CHSY1: variants seen among roughly 807,000 people sequenced by gnomAD.
CHSY1 encodes the protein N-acetylgalactosaminyl-proteoglycan 3-beta-glucuronosyltransferase 1.
In CHSY1, 13 loss-of-function variants were observed where a neutral mutation model predicts 59.8. That is an observed-to-expected ratio of 0.22 (90% CI 0.14 to 0.35). The LOEUF (loss-of-function observed/expected upper bound fraction) is 0.35. Among genes scored for constraint, CHSY1 ranks in the 10% least tolerant of loss-of-function variants. CHSY1 has a pLI of 1.00. For missense variants in CHSY1, 947 were observed against 1,030.6 expected (o/e 0.92, Z 1.11); for synonymous variants, 459 against 401.2 (o/e 1.14, Z -1.72).
In CHSY1 at chr15:101,235,580, G is replaced by T; in HGVS notation, c.321-3C>A. 6.2e-7 allele frequency: 1 copy of T among 1,606,484 alleles called. No homozygotes were observed. The highest frequency in any genetic ancestry group is 8.5e-7 in the Non-Finnish European group (1 of 1,179,852). ...CAGGAATTGTCTTGGACCATGTTCT[G>T]GAATTAAAATAAATATCAGTTAGAG... On this transcript the variant is annotated splice_region_variant and splice_polypyrimidine_tract_variant and intron_variant, in intron 1 of 2. Coordinates refer to ENST00000254190, the MANE Select transcript of CHSY1 (RefSeq NM_014918.5).
chr15:101,225,604 AC>A (rs1218203954), intron 2 of CHSY1, among the ~76,000 whole-genome samples: 4 of 150,500 alleles, frequency 2.7e-5, no homozygotes, highest in African/African-American at 7.4e-5. Flanking sequence ...CATGTGTACC[AC>A]CCCCCTCCCC....
At chr15:101,224,528 AG>A (rs2038820636) in intron 2 of CHSY1, among the ~76,000 whole-genome samples, 1 of 152,234 alleles carries the variant, frequency 6.6e-6, no homozygotes, top group East Asian at 1.9e-4. Context: ...CTTAAACACT[AG>A]CAAGTGTAAG....
At chr15:101,210,743 C>G (rs565423348) in intron 2 of CHSY1, among the ~76,000 whole-genome samples, 1 of 152,284 alleles carries the variant, frequency 6.6e-6, no homozygotes, top group Admixed American at 6.5e-5. Context: ...TATATCCTCA[C>G]TGGAGGACAG....
At chr15:101,212,211 T>C (rs575463141) in intron 2 of CHSY1, among the ~76,000 whole-genome samples, 5 of 152,302 alleles carry the variant, frequency 3.3e-5, no homozygotes, top group Admixed American at 6.5e-5. Context: ...TACGGTGCTG[T>C]TGGGAGTTAA....
At chr15:101,183,305 T>C (rs1050205643) in intron 2 of CHSY1, among the ~76,000 whole-genome samples, 3 of 152,112 alleles carry the variant, frequency 2.0e-5, no homozygotes, top group African/African-American at 7.2e-5. Context: ...AGTATAAAAG[T>C]ATCCAGTATA....
At chr15:101,179,886 C>T (rs2038252929) in intron 2 of CHSY1, among the ~76,000 whole-genome samples, 1 of 152,226 alleles carries the variant, frequency 6.6e-6, no homozygotes, top group East Asian at 1.9e-4. Flanking sequence ...TGCCTCAGTA[C>T]ATCTGGGCAA....
chr15:101,202,652 G>A (rs1016103611), intron 2 of CHSY1, among the ~76,000 whole-genome samples: 1 of 152,174 alleles, frequency 6.6e-6, no homozygotes, highest in African/African-American at 2.4e-5. Flanking sequence ...GAGGATGGAG[G>A]GCATTTCTGA....
intron 1 of CHSY1, among the ~76,000 whole-genome samples, chr15:101,247,710 T>C (rs1465849624): frequency 6.6e-6 from 1 of 152,140 alleles, no homozygotes; most frequent in African/African-American, 2.4e-5. Context: ...AAAATCTGTT[T>C]CTTGTCTGCT....
rs1234191789 is a variant in CHSY1 at position 101,178,166 on chromosome 15, A to C, written c.1631T>G (p.Phe544Cys). 1.2e-6 allele frequency: 2 copies of C among 1,614,206 alleles called. No homozygotes were observed. The highest frequency in any genetic ancestry group is 1.7e-6 in the Non-Finnish European group (2 of 1,180,030). ...TCCCATAAATCTCACAAACATGTCG[A>C]AACGCCCAGACAAAGGAATCAGTAT... Reference protein sequence around the residue: ...INILIPLSGRFDMFVRFMGNF... With the variant: ...INILIPLSGRCDMFVRFMGNF... Residue 544 changes from phenylalanine to cysteine, a missense_variant, in exon 3 of 3, where the codon TTC becomes TGC. This residue lies in a region of CHSY1 where 602 missense variants were observed against 676.9 expected (regional missense o/e 0.89). Coordinates refer to ENST00000254190, the MANE Select transcript of CHSY1 (RefSeq NM_014918.5).
intron 2 of CHSY1, among the ~76,000 whole-genome samples, chr15:101,185,938 CG>C (rs2038357039): frequency 1.3e-5 from 2 of 151,760 alleles, no homozygotes; most frequent in African/African-American, 4.8e-5. Flanking sequence ...TTATGGGCTA[CG>C]TCACTGCTCA....
At chr15:101,195,223 A>G (rs1205338192) in intron 2 of CHSY1, among the ~76,000 whole-genome samples, 1 of 152,250 alleles carries the variant, frequency 6.6e-6, no homozygotes, top group Non-Finnish European at 1.5e-5. Flanking sequence ...ATATTCACAT[A>G]TAAGATTACA....
At chr15:101,195,770 A>C (rs1408463439) in intron 2 of CHSY1, among the ~76,000 whole-genome samples, 1 of 148,472 alleles carries the variant, frequency 6.7e-6, no homozygotes, top group African/African-American at 2.5e-5. Flanking sequence ...GCTTGCAGTG[A>C]GCCGAGATAG....
intron 2 of CHSY1, among the ~76,000 whole-genome samples, chr15:101,223,438 T>G (rs2141268054): frequency 6.6e-6 from 1 of 152,380 alleles, no homozygotes; most frequent in Middle Eastern, 3.4e-3. Context: ...AAAAGATGCT[T>G]TAAAATATCT....
At position 101,235,550 on chromosome 15, in the gene CHSY1, T is replaced by C. The variant is rs2038932942; in HGVS notation, c.348A>G (p.Lys116=). ...AACCCTCACTTGAGAAGAACTGAACTTTCCCAGGAATTGTCTTGGACCATG... is the reference window on the plus strand; with the variant it reads ...AACCCTCACTTGAGAAGAACTGAACCTTCCCAGGAATTGTCTTGGACCATG... ...YRTWSKTIPG[K]VQFFSSEGSD... The change falls in exon 2 of 3, where the codon AAA becomes AAG. Residue 116 remains lysine, a synonymous_variant. Coordinates refer to ENST00000254190, the MANE Select transcript of CHSY1 (RefSeq NM_014918.5). 2 of 1,612,074 alleles carry C rather than the reference T, an allele frequency of 1.2e-6. No individual in the cohort carries two copies. The highest frequency in any genetic ancestry group is 1.7e-6 in the Non-Finnish European group (2 of 1,179,976).
chr15:101,246,169 G>A (rs910835947), intron 1 of CHSY1, among the ~76,000 whole-genome samples: 1 of 152,038 alleles, frequency 6.6e-6, no homozygotes, highest in African/African-American at 2.4e-5. Context: ...ATCTGTAATG[G>A]TGCCCTTGTT....
At chr15:101,187,000 T>G (rs2038378575) in intron 2 of CHSY1, among the ~76,000 whole-genome samples, 1 of 152,194 alleles carries the variant, frequency 6.6e-6, no homozygotes, top group African/African-American at 2.4e-5. Context: ...TGGCTGAAGC[T>G]GCAGCAATAT....
At chr15:101,204,327 G>C (rs141914720) in intron 2 of CHSY1, among the ~76,000 whole-genome samples, 2,292 of 151,594 alleles carry the variant, frequency 0.015, 61 homozygotes, top group African/African-American at 0.052. Flanking sequence ...CCAGCTACTC[G>C]GGAGGGTGAG....
intron 2 of CHSY1, among the ~76,000 whole-genome samples, chr15:101,224,870 T>C (rs1450283385): frequency 6.6e-6 from 1 of 152,246 alleles, no homozygotes; most frequent in Non-Finnish European, 1.5e-5. Flanking sequence ...ATTAGTTCAA[T>C]AAAGATGATT....
intron 2 of CHSY1, among the ~76,000 whole-genome samples, chr15:101,196,545 A>C (rs1052866053): frequency 2.6e-5 from 4 of 152,166 alleles, no homozygotes; most frequent in African/African-American, 9.7e-5. Context: ...TGTCAAACTA[A>C]CTTGAGAGAA....
Sources: allele counts gnomAD v4.1 joint callset (sites outside exome capture counted in the v4.1 genomes callset), GRCh38; gene constraint gnomAD v4.1.1; regional missense constraint gnomAD v4.1.1; transcripts MANE v1.5; gene names NCBI Gene and HGNC (gene_info 2026-07-23, HGNC 2026-07-21).